ZNF563: variants seen among roughly 807,000 people sequenced by gnomAD.
ZNF563 encodes zinc finger protein 563.
A neutral mutation model predicts 48.5 loss-of-function variants in ZNF563; 39 were observed. The observed-to-expected ratio is 0.80, with a 90% confidence interval of 0.62 to 1.05. The LOEUF (loss-of-function observed/expected upper bound fraction) is 1.05, where lower values mean the gene tolerates loss of function less well. ZNF563 is among the 50% of genes least tolerant of loss of function. The pLI is 0.00. For synonymous variants in ZNF563, 168 were observed against 187.9 expected (o/e 0.89, Z 0.87); for missense variants, 538 against 597.0 (o/e 0.90, Z 1.03).
At position 12,333,614 on chromosome 19, in the gene ZNF563, G is replaced by A; in HGVS notation, c.-132C>T. ...ACTGAGGCTACACAGACGTTCCAGG[G>A]CGTCTCTCAGCGAGCGACTGAGTCT... On this transcript the variant is annotated 5_prime_UTR_variant, in exon 1 of 4. Coordinates refer to ENST00000293725, the MANE Select transcript of ZNF563 (RefSeq NM_145276.3). 7.5e-7 allele frequency: 1 copy of A among 1,340,530 alleles called. No homozygotes were observed. Among genetic ancestry groups the A allele is most frequent in the Non-Finnish European group, 1.0e-6 (1 of 981,200 alleles). 83.0% of individuals were successfully genotyped at this position (1,340,530 alleles called of 1,614,324 possible). A position where few individuals can be genotyped will look rare whatever the true frequency, so the allele number is the denominator to read the frequency against.
At chr19:12,345,305 G>T in the ZNF563 span, among the ~76,000 whole-genome samples, 1 of 152,126 alleles carries the variant, frequency 6.6e-6, no homozygotes, top group African/African-American at 2.4e-5. Flanking sequence ...CAATGTTGAA[G>T]AATTCACACT....
At chr19:12,321,513 C>T (rs377124433) in intron 2 of ZNF563, among the ~76,000 whole-genome samples, 181 bp from the exon 3 acceptor site, 13 of 152,126 alleles carry the variant, frequency 8.5e-5, no homozygotes, top group African/African-American at 7.2e-5. Context: ...GGCACGATCT[C>T]GGCTCACAGC....
intron 1 of ZNF563, among the ~76,000 whole-genome samples, chr19:12,332,833 C>T (rs79592945): frequency 6.6e-6 from 1 of 152,162 alleles, no homozygotes. Context: ...GCCTCCCTTG[C>T]GATGGATTTT....
At chr19:12,337,606 A>G (rs1291823494), upstream of ZNF563, among the ~76,000 whole-genome samples, 1 of 152,216 alleles carries the variant, frequency 6.6e-6, no homozygotes, top group South Asian at 2.1e-4. Context: ...ACATAACACC[A>G]TTCAGTTTGG....
In ZNF563 at chr19:12,318,361, T is replaced by G. The variant is rs1968486858; in HGVS notation, c.*233A>C. The G allele has an allele frequency of 1.8e-6, 1 of 554,862 alleles. No individual in the cohort carries two copies. The highest frequency in any genetic ancestry group is 3.1e-6 in the Non-Finnish European group (1 of 317,904). 34.4% of individuals were successfully genotyped at this position (554,862 alleles called of 1,614,324 possible). ...ATATTTTACACTCACAGAGTTTTTC[T>G]GCTCTGTGAGTTGTTTTATGTTGAC... On this transcript the variant is annotated 3_prime_UTR_variant, in exon 4 of 4. Transcript: ENST00000293725.
chr19:12,344,686 A>G, the ZNF563 span, among the ~76,000 whole-genome samples: 2 of 152,326 alleles, frequency 1.3e-5, no homozygotes, highest in South Asian at 2.1e-4. Flanking sequence ...CAACAGTTCT[A>G]TTCAACATAC....
At chr19:12,340,622 CA>C in the ZNF563 span, among the ~76,000 whole-genome samples, 3 of 151,926 alleles carry the variant, frequency 2.0e-5, no homozygotes, top group Non-Finnish European at 2.9e-5. Context: ...GAAAAAAATA[CA>C]AAAATTAGCC....
In ZNF563 at chr19:12,319,098, A is replaced by T. The variant is rs147012781; in HGVS notation, c.927T>A (p.Tyr309Ter). The change falls in exon 4 of 4, where the codon TAT becomes TAA. Residue 309 changes from tyrosine (Y) to a stop codon, truncating the protein, a stop_gained. Coordinates refer to ENST00000293725, the MANE Select transcript of ZNF563 (RefSeq NM_145276.3). LOFTEE classifies it high-confidence loss of function. ...HETTHSAEKP[Y>*]ECKQCGKTFH... is the part of the protein sequence containing the mutation. ...ATGTTTTCCCGCATTGCTTACACTC[A>T]TAGGGTTTCTCTGCACTGTGAGTGG... is the stretch of plus-strand genomic sequence containing the variant. 22 of 1,614,122 alleles carry T rather than the reference A, an allele frequency of 1.4e-5. No individual in the cohort carries two copies. The African/African-American group carries it at 2.8e-4, about 21-fold the overall frequency.
chr19:12,339,404 C>A, the ZNF563 span, among the ~76,000 whole-genome samples: 1 of 150,720 alleles, frequency 6.6e-6, no homozygotes, highest in South Asian at 2.1e-4. Context: ...CTCAGCCTCC[C>A]GAGTAGCTGG....
chr19:12,330,627 A>G (rs1210127697), intron 1 of ZNF563, among the ~76,000 whole-genome samples: 1 of 152,222 alleles, frequency 6.6e-6, no homozygotes, highest in Non-Finnish European at 1.5e-5. Context: ...ACTATGGCAC[A>G]GCAGGTATTG....
chr19:12,343,665 G>A, the ZNF563 span, among the ~76,000 whole-genome samples: 3 of 149,504 alleles, frequency 2.0e-5, no homozygotes, highest in African/African-American at 4.9e-5. Flanking sequence ...GGCAAGAAAA[G>A]ACATTACGAG....
chr19:12,321,159 A>T, intron 3 of ZNF563, 113 bp downstream of exon 3: 1 of 785,666 alleles, frequency 1.3e-6, no homozygotes, highest in Non-Finnish European at 1.9e-6. Flanking sequence ...GTTAATTTAA[A>T]AAATTAAAAA....
chr19:12,333,164 T>G (rs534500369), intron 1 of ZNF563, among the ~76,000 whole-genome samples: 1 of 152,160 alleles, frequency 6.6e-6, no homozygotes, highest in Admixed American at 6.5e-5. Flanking sequence ...CGAGTGGGGA[T>G]TCCCTCCATG....
chr19:12,332,351 T>C (rs1256849892), intron 1 of ZNF563, among the ~76,000 whole-genome samples: 4 of 144,626 alleles, frequency 2.8e-5, no homozygotes, highest in Admixed American at 6.7e-5. Context: ...TTTTTTCTTT[T>C]TTTTTTTTTT....
At chr19:12,326,139 T>C (rs559862211) in intron 1 of ZNF563, among the ~76,000 whole-genome samples, 8 of 152,292 alleles carry the variant, frequency 5.3e-5, no homozygotes, top group African/African-American at 1.4e-4. Flanking sequence ...ATTGGACTTC[T>C]TGAATGAATA....
upstream of ZNF563, among the ~76,000 whole-genome samples, chr19:12,337,989 C>G (rs28521408): frequency 0.049 from 7,400 of 152,132 alleles, 597 homozygotes; most frequent in African/African-American, 0.17. Context: ...GTAGTCCTAG[C>G]TATTCAGGAG....
chr19:12,318,595 C>G lies in ZNF563; in HGVS notation c.1430G>C (p.Ter477SerextTer2). Residue 477 changes from the stop codon to serine, a stop_lost, in exon 4 of 4, where the codon TGA becomes TCA. Transcript: ENST00000293725. The part of the protein sequence containing the change: ...HEKTHWRETI[*>S] ...AGAAGGCTTTATAATAGTTTACATT[C>G]ATATTGTTTCTCTCCAGTGAGTCTT... 6.2e-7 allele frequency: 1 copy of G among 1,610,510 alleles called. No individual in the cohort carries two copies. The highest frequency in any genetic ancestry group is 8.5e-7 in the Non-Finnish European group (1 of 1,178,048).
chr19:12,319,334 A>G lies in ZNF563; in HGVS notation c.691T>C (p.Ser231Pro). The change falls in exon 4 of 4, where the codon TCT (serine) becomes CCT (proline). Residue 231 changes from serine (S) to proline (P), a missense_variant. Coordinates refer to ENST00000293725, the MANE Select transcript of ZNF563 (RefSeq NM_145276.3). ...GEKPYECKQC[S>P]KAFPFYSSYR... The stretch of plus-strand genomic sequence containing the variant: ...GAACTGTAAAAAGGAAAGGCTTTAG[A>G]ACACTGCTTACATTCATACGGTTTC... 6.2e-7 allele frequency: 1 copy of G among 1,612,934 alleles called. No homozygotes were observed. The highest frequency in any genetic ancestry group is 8.5e-7 in the Non-Finnish European group (1 of 1,179,692).
At chr19:12,320,138 G>C (rs529575363) in intron 3 of ZNF563, among the ~76,000 whole-genome samples, 3 of 151,938 alleles carry the variant, frequency 2.0e-5, no homozygotes, top group South Asian at 4.1e-4. Context: ...GGCTGTTCTC[G>C]AACTTCTGAC....
Sources: allele counts gnomAD v4.1 joint callset (sites outside exome capture counted in the v4.1 genomes callset), GRCh38; gene constraint gnomAD v4.1.1; transcripts MANE v1.5; gene names NCBI Gene and HGNC (gene_info 2026-07-23, HGNC 2026-07-21).